The following GALNT13 variants were observed in gnomAD, a reference collection of about 807,000 sequenced individuals.
The protein encoded by GALNT13 is UDP-GalNAc:polypeptide N-acetylgalactosaminyltransferase 13.
Under a neutral mutation model 64.2 loss-of-function variants are expected in GALNT13, and 28 were observed. The ratio of observed to expected loss-of-function variants is 0.44; its 90% CI spans 0.32 to 0.60. The LOEUF (loss-of-function observed/expected upper bound fraction) is 0.60. Ranked by LOEUF, GALNT13 falls within the 20% of genes least tolerant of loss-of-function variation. GALNT13 has a pLI of 0.05. For synonymous variants in GALNT13, 214 were observed against 224.6 expected (o/e 0.95, Z 0.42); for missense variants, 577 against 669.8 (o/e 0.86, Z 1.53).
At chr2:154,207,037 A>G (rs1382502141) in intron 4 of GALNT13, among the ~76,000 whole-genome samples, 2 of 152,130 alleles carry the variant, frequency 1.3e-5, no homozygotes, top group Non-Finnish European at 2.9e-5. Context: ...CATTAAATCC[A>G]TGTTCCACAC....
chr2:153,300,621 T>C, the GALNT13 span, among the ~76,000 whole-genome samples: 6 of 152,138 alleles, frequency 3.9e-5, no homozygotes, highest in African/African-American at 1.4e-4. Flanking sequence ...CAAGACTACA[T>C]AGATAACAAT....
chr2:153,435,009 C>A, the GALNT13 span, among the ~76,000 whole-genome samples: 22 of 152,164 alleles, frequency 1.4e-4, 1 homozygote, highest in Admixed American at 9.2e-4. Flanking sequence ...TTTTTGTATA[C>A]TGTGTAAGGA....
At chr2:153,425,814 TATA>T in the GALNT13 span, among the ~76,000 whole-genome samples, 7 of 151,938 alleles carry the variant, frequency 4.6e-5, no homozygotes, top group Non-Finnish European at 8.8e-5. Flanking sequence ...GATGAACAAT[TATA>T]ATCAATATTT....
chr2:154,103,514 A>G (rs1702455107), intron 3 of GALNT13, among the ~76,000 whole-genome samples: 1 of 152,162 alleles, frequency 6.6e-6, no homozygotes, highest in African/African-American at 2.4e-5. Flanking sequence ...ATTGATATAC[A>G]GCTTGCATCA....
At chr2:154,390,577 G>A (rs992931690) in intron 9 of GALNT13, among the ~76,000 whole-genome samples, 2 of 152,008 alleles carry the variant, frequency 1.3e-5, no homozygotes, top group Admixed American at 6.6e-5. Context: ...TTTTATGGCT[G>A]CATAGTATTC....
At chr2:153,583,588 G>A in the GALNT13 span, among the ~76,000 whole-genome samples, 4 of 152,074 alleles carry the variant, frequency 2.6e-5, no homozygotes, top group Non-Finnish European at 4.4e-5. Flanking sequence ...TTCCCACTGC[G>A]GAATCATGCA....
the GALNT13 span, among the ~76,000 whole-genome samples, chr2:153,223,002 GGCCTGCTGGCTCAGTGGAGTGC>G: frequency 5.9e-5 from 9 of 152,330 alleles, no homozygotes; most frequent in East Asian, 1.7e-3. Context: ...GCCTGTTCCC[GGCCTGCTGGCTCAGTGGAGTGC>G]GCCAGCTGCG....
chr2:154,401,193 G>A (rs978392769), intron 10 of GALNT13, among the ~76,000 whole-genome samples: 5 of 152,030 alleles, frequency 3.3e-5, no homozygotes, highest in Non-Finnish European at 7.4e-5. Flanking sequence ...TATTGCTGAA[G>A]AGCAAATTTA....
At chr2:153,321,571 G>A in the GALNT13 span, among the ~76,000 whole-genome samples, 2 of 152,100 alleles carry the variant, frequency 1.3e-5, no homozygotes, top group African/African-American at 4.8e-5. Context: ...GTTAACTACT[G>A]TTGTTTCTTA....
intron 9 of GALNT13, among the ~76,000 whole-genome samples, chr2:154,395,536 TATTACGTGA>T (rs1303371824): frequency 7.2e-5 from 11 of 152,238 alleles, no homozygotes; most frequent in Non-Finnish European, 1.6e-4. Flanking sequence ...ATGTACAGTC[TATTACGTGA>T]ATTATTCTAT....
the GALNT13 span, among the ~76,000 whole-genome samples, chr2:153,450,889 T>C: frequency 6.6e-6 from 1 of 152,188 alleles, no homozygotes; most frequent in Non-Finnish European, 1.5e-5. Context: ...ATAGCATGTT[T>C]CAAAAGATGG....
intron 4 of GALNT13, among the ~76,000 whole-genome samples, chr2:154,146,130 G>C (rs1408218796): frequency 7.1e-6 from 1 of 140,966 alleles, no homozygotes; most frequent in Non-Finnish European, 1.6e-5. Context: ...ATGTATGTGT[G>C]TGTGTGTATA....
At position 153,955,648 on chromosome 2, in the gene GALNT13, G is replaced by T. The variant is rs4664718; in HGVS notation, c.142+11009G>T. On this transcript the variant is annotated intron_variant, in intron 3 of 12. Coordinates refer to ENST00000392825, the MANE Select transcript of GALNT13 (RefSeq NM_052917.4). ...CTAAAAAAAGTGTGGATTTGATGCA[G>T]GACTGGCAAGCCCCAGAGTGGATCT... 5.1e-4 allele frequency among the ~76,000 whole-genome samples: 77 copies of T among 152,296 alleles called. No individual in the cohort carries two copies. In the Middle Eastern group the frequency reaches 0.014, roughly 27 times the overall value.
the GALNT13 span, among the ~76,000 whole-genome samples, chr2:153,437,508 T>C: frequency 6.6e-5 from 10 of 152,170 alleles, no homozygotes; most frequent in South Asian, 2.1e-4. Context: ...ATCTGGGTGC[T>C]CCTGTATTGG....
At chr2:153,073,405 G>C in the GALNT13 span, among the ~76,000 whole-genome samples, 1 of 151,652 alleles carries the variant, frequency 6.6e-6, no homozygotes, top group Admixed American at 6.6e-5. Flanking sequence ...TGTAACAGAG[G>C]AAAGAAAGAA....
At chr2:153,983,532 G>C (rs1029771678) in intron 3 of GALNT13, among the ~76,000 whole-genome samples, 12 of 151,836 alleles carry the variant, frequency 7.9e-5, no homozygotes, top group African/African-American at 2.7e-4. Flanking sequence ...CTGGTAAAGT[G>C]AATCTATGAC....
intron 9 of GALNT13, among the ~76,000 whole-genome samples, chr2:154,303,092 T>C (rs1693537514): frequency 6.6e-6 from 1 of 152,044 alleles, no homozygotes; most frequent in Non-Finnish European, 1.5e-5. Context: ...CTGGAGTAAA[T>C]ACTAGGGGTT....
chr2:153,363,977 C>G, the GALNT13 span, among the ~76,000 whole-genome samples: 6 of 152,070 alleles, frequency 3.9e-5, no homozygotes, highest in Non-Finnish European at 8.8e-5. Context: ...AACATCAACA[C>G]GAAAATCCTC....
chr2:153,922,957 C>G (rs147479459), intron 2 of GALNT13, among the ~76,000 whole-genome samples: 1 of 151,700 alleles, frequency 6.6e-6, no homozygotes, highest in Non-Finnish European at 1.5e-5. Flanking sequence ...TGGAGTGCAG[C>G]GGTGTGATCT....
Sources: allele counts gnomAD v4.1 joint callset (sites outside exome capture counted in the v4.1 genomes callset), GRCh38; gene constraint gnomAD v4.1.1; transcripts MANE v1.5; gene names NCBI Gene and HGNC (gene_info 2026-07-23, HGNC 2026-07-21).